MORN3: variants seen among roughly 807,000 people sequenced by gnomAD.
MORN3 encodes the protein MORN repeat-containing protein 3.
A neutral mutation model predicts 34.7 loss-of-function variants in MORN3; 38 were observed. The ratio of observed to expected loss-of-function variants is 1.10; its 90% confidence interval spans 0.85 to 1.44. The LOEUF (loss-of-function observed/expected upper bound fraction) is 1.44, where lower values mean the gene tolerates loss of function less well. Among genes scored for constraint, MORN3 ranks in the 40% most tolerant of loss-of-function variants. The pLI is 0.00. For synonymous variants in MORN3, 109 were observed against 115.3 expected (o/e 0.95, Z 0.35); for missense variants, 311 against 321.7 (o/e 0.97, Z 0.25).
rs199944986 is a variant in MORN3, at chr12:121,655,711, A to AAAAC, written c.304-1282_304-1279dup. 3.5e-3 allele frequency among the ~76,000 whole-genome samples: 526 copies of AAAAC among 151,340 alleles called. 2 individuals carry two copies. The highest frequency in any genetic ancestry group is 0.011 in the African/African-American group (472 of 41,176). ...GGGCAACAGAGCAAGACTGTCTCAA[A>AAAAC]AAACAAACAAACAAACAAACAAAAA... On this transcript the variant is annotated intron_variant, in intron 2 of 5. Coordinates refer to ENST00000355329, the MANE Select transcript of MORN3 (RefSeq NM_173855.5).
In MORN3 at chr12:121,669,611, G is replaced by A; in HGVS notation, c.-128C>T. ...GAGTCATGTGTGTTCTGAGTCCCTG[G>A]GGCAGGTGAACAGCCCTTAGTGGGG... On this transcript the variant is annotated 5_prime_UTR_variant, in exon 1 of 6. Transcript: ENST00000355329. The A allele has an allele frequency of 1.5e-6, 2 of 1,349,256 alleles. No individual in the cohort carries two copies. Among genetic ancestry groups the A allele is most frequent in the South Asian group, 1.3e-5 (1 of 78,600 alleles). The allele number at this position is 1,349,256 out of a possible 1,614,324, so 83.6% of individuals were successfully genotyped here.
At chr12:121,659,446 T>C (rs1440535331) in intron 1 of MORN3, 98 bp from the exon 2 acceptor site, 3 of 1,260,534 alleles carry the variant, frequency 2.4e-6, no homozygotes, top group Non-Finnish European at 3.4e-6. Context: ...TAGACGAATC[T>C]AGAGAGCTGG....
At chr12:121,665,278 C>CTT (rs767525874) in intron 1 of MORN3, among the ~76,000 whole-genome samples, 4,780 of 50,730 alleles carry the variant, frequency 0.094, 1,382 homozygotes, top group East Asian at 0.2. Flanking sequence ...TTTTTCTTTC[C>CTT]TTTTTTTTTT....
intron 1 of MORN3, among the ~76,000 whole-genome samples, chr12:121,664,870 C>CAAAA (rs148847502): frequency 1.5e-5 from 1 of 65,378 alleles, no homozygotes; most frequent in African/African-American, 5.9e-5. Context: ...TAGCCCCTAC[C>CAAAA]AAAAAAAAAA....
Position 121,655,849 on chromosome 12 carries a change from T to G in MORN3, c.304-1416A>C, listed in dbSNP as rs542011753. 2.6e-5 allele frequency among the ~76,000 whole-genome samples: 4 copies of G among 151,126 alleles called. No homozygotes were observed. In the East Asian group the frequency reaches 7.8e-4, roughly 30 times the overall value. ...ATCGAGACCATCCTGGCTAACATGG[T>G]GAAAACCCGTCTCTACTAAAAATAC... On this transcript the variant is annotated intron_variant, in intron 2 of 5. Coordinates refer to ENST00000355329, the MANE Select transcript of MORN3 (RefSeq NM_173855.5).
upstream of MORN3, among the ~76,000 whole-genome samples, chr12:121,670,534 C>T (rs553491778): frequency 6.6e-6 from 1 of 152,280 alleles, no homozygotes; most frequent in East Asian, 1.9e-4. Flanking sequence ...GAGGGCCAGG[C>T]GCAGTGGCTC....
chr12:121,667,187 C>G (rs969802635), intron 1 of MORN3, among the ~76,000 whole-genome samples: 2 of 151,982 alleles, frequency 1.3e-5, no homozygotes, highest in African/African-American at 4.8e-5. Flanking sequence ...GTCTCGAACT[C>G]CTGACCTCAG....
At chr12:121,672,212 A>T (rs1006944046), upstream of MORN3, among the ~76,000 whole-genome samples, 6 of 151,914 alleles carry the variant, frequency 3.9e-5, no homozygotes, top group Non-Finnish European at 8.8e-5. Context: ...CAATCCCAGC[A>T]CGTTGGGAAG....
chr12:121,663,621 A>T (rs575959556), intron 1 of MORN3, among the ~76,000 whole-genome samples: 5 of 152,282 alleles, frequency 3.3e-5, no homozygotes, highest in Middle Eastern at 3.4e-3. Flanking sequence ...CAATTACGGG[A>T]CCATTCTAAT....
Position 121,669,553 on chromosome 12 carries a change from G to T in MORN3, c.-70C>A. 1 of 1,582,532 alleles carries T rather than the reference G, an allele frequency of 6.3e-7. No individual in the cohort carries two copies. Among genetic ancestry groups the T allele is most frequent in the South Asian group, 1.1e-5 (1 of 90,150 alleles). ...GGACATCTGGGGCTCAGCGCGCCCC[G>T]TGTAATGCCGGGATCCTGAGCTCAA... On this transcript the variant is annotated 5_prime_UTR_variant, in exon 1 of 6. Transcript: ENST00000355329.
At chr12:121,672,211 C>T (rs1268291591), upstream of MORN3, among the ~76,000 whole-genome samples, 1 of 151,724 alleles carries the variant, frequency 6.6e-6, no homozygotes, top group Non-Finnish European at 1.5e-5. Context: ...GCAATCCCAG[C>T]ACGTTGGGAA....
At chr12:121,653,827 T>C (rs948363675) in intron 3 of MORN3, among the ~76,000 whole-genome samples, 4 of 152,108 alleles carry the variant, frequency 2.6e-5, no homozygotes, top group Non-Finnish European at 5.9e-5. Context: ...AATTGAGATA[T>C]AAGTTCATAT....
At chr12:121,670,411 C>T (rs781343225), upstream of MORN3, among the ~76,000 whole-genome samples, 11 of 152,038 alleles carry the variant, frequency 7.2e-5, no homozygotes, top group African/African-American at 1.2e-4. Context: ...TGCAGTAAGC[C>T]GAGATCATGC....
In MORN3 at chr12:121,654,370, G is replaced by T. The variant is rs1168730061; in HGVS notation, c.367C>A (p.Arg123Ser). The T allele has an allele frequency of 2.5e-6, 4 of 1,600,938 alleles. No homozygotes were observed. Among genetic ancestry groups the T allele is most frequent in the South Asian group, 1.1e-5 (1 of 88,558 alleles). Residue 123 changes from arginine (R) to serine (S), a missense_variant, in exon 3 of 6, where the codon CGC (arginine) becomes AGC (serine). Transcript: ENST00000355329. The part of the protein sequence containing the change: ...YYEGDWCGSQ[R>S]SGWGRMYYSN... ...TAATACATGCGGCCCCACCCGCTGC[G>T]CTGGCTGCCACACCAGTCACCCTCA...
intron 1 of MORN3, among the ~76,000 whole-genome samples, chr12:121,660,178 G>A (rs1159304645): frequency 7.1e-6 from 1 of 141,590 alleles, no homozygotes; most frequent in East Asian, 2.7e-4. Context: ...GGGTTGCAGT[G>A]AGCCGAGATG....
chr12:121,663,414 T>A (rs1398455191), intron 1 of MORN3, among the ~76,000 whole-genome samples: 1 of 152,090 alleles, frequency 6.6e-6, no homozygotes, highest in Non-Finnish European at 1.5e-5. Context: ...GCCAGGCTGG[T>A]CTCCAACTCA....
chr12:121,669,813 C>CATATATATATATATAAT (rs1555327000), upstream of MORN3, among the ~76,000 whole-genome samples: 1 of 136,028 alleles, frequency 7.4e-6, no homozygotes, highest in African/African-American at 2.9e-5. Flanking sequence ...GTCATATATA[C>CATATATATATATATAAT]ATATATATAT....
chr12:121,656,713 G>A (rs1893429053), intron 2 of MORN3, among the ~76,000 whole-genome samples: 1 of 151,894 alleles, frequency 6.6e-6, no homozygotes, highest in African/African-American at 2.4e-5. Flanking sequence ...AGAGACGGGG[G>A]TTTCACCATG....
At chr12:121,664,616 G>C (rs76971636) in intron 1 of MORN3, among the ~76,000 whole-genome samples, 1,775 of 152,148 alleles carry the variant, frequency 0.012, 37 homozygotes, top group African/African-American at 0.041. Flanking sequence ...AAAATTAACC[G>C]GGCATGGTAG....
Sources: gnomAD v4.1 joint callset for allele counts (sites outside exome capture counted in the v4.1 genomes callset) on GRCh38, gnomAD v4.1.1 for gene constraint, MANE v1.5 for transcripts, NCBI Gene and HGNC (gene_info 2026-07-23, HGNC 2026-07-21) for gene names.